Variants in IKBIP observed in about 807,000 individuals in gnomAD.
IKBIP encodes the protein IKBKB interacting protein, also known as inhibitor of nuclear factor kappa-B kinase-interacting protein.
In IKBIP, 28 loss-of-function variants were observed where a neutral mutation model predicts 31.0. The ratio of observed to expected loss-of-function variants is 0.90; its 90% CI spans 0.67 to 1.24. The LOEUF is 1.24. Ranked by LOEUF, IKBIP falls within the 50% of genes most tolerant of loss-of-function variation. The probability of loss-of-function intolerance (pLI) is 0.00; values close to 1 mark genes in which losing one functional copy is unlikely to be tolerated. For missense variants in IKBIP, 453 were observed against 441.9 expected, an observed-to-expected ratio of 1.03 and a Z score of -0.23; for synonymous variants, 164 against 160.3, an observed-to-expected ratio of 1.02 and a Z score of -0.17.
intron 1 of IKBIP, among the ~76,000 whole-genome samples, chr12:98,637,813 TGATTACAG>T (rs1166124457): frequency 4.6e-5 from 7 of 151,740 alleles, no homozygotes; most frequent in Non-Finnish European, 7.4e-5. Flanking sequence ...CAGGTTCAAG[TGATTACAG>T]GCGTGAGCCA....
rs765030349 is a variant in IKBIP, at chr12:98,626,078, T to C, written c.986A>G (p.Gln329Arg). 6.2e-7 allele frequency: 1 copy of C among 1,600,626 alleles called. No individual in the cohort carries two copies. Among genetic ancestry groups the C allele is most frequent in the Non-Finnish European group, 8.5e-7 (1 of 1,173,208 alleles). Residue 329 changes from glutamine to arginine, a missense_variant, in exon 3 of 3, where the codon CAG becomes CGG. Coordinates refer to ENST00000299157, the MANE Select transcript of IKBIP (RefSeq NM_153687.4). ...CATCTTTAATATGCTATTATCATAC[T>C]GAATTCCTTCAAGGGTTTTCTGCAT... ...MEMQKTLEGI[Q>R]YDNSILKMQN...
At chr12:98,621,154 CAGG>C (rs1365551601), downstream of IKBIP, among the ~76,000 whole-genome samples, 16 of 152,018 alleles carry the variant, frequency 1.1e-4, no homozygotes, top group Non-Finnish European at 4.4e-5. Context: ...GAGGCTGAGG[CAGG>C]AGAATTGCTT....
In IKBIP at chr12:98,626,700, G is replaced by A. The variant is rs1471877125; in HGVS notation, c.364C>T (p.Gln122Ter). 1 of 1,613,696 alleles carries A rather than the reference G, an allele frequency of 6.2e-7. No individual in the cohort carries two copies. The highest frequency in any genetic ancestry group is 8.5e-7 in the Non-Finnish European group (1 of 1,179,918). Residue 122 changes from glutamine (Q) to a stop codon, truncating the protein, a stop_gained, in exon 3 of 3, where the codon CAG (glutamine) becomes TAG (stop). Coordinates refer to ENST00000299157, the MANE Select transcript of IKBIP (RefSeq NM_153687.4). LOFTEE classifies it high-confidence loss of function. The stretch of plus-strand genomic sequence containing the variant: ...ATATCTTGGAGGTTGGATACTTCCT[G>A]CTCAAACTGGGTCATCAAAGACATG... ...SSMSLMTQFEQEVSNLQDIMH... is the reference protein window; with the variant it reads ...SSMSLMTQFE
At chr12:98,628,060 T>TA (rs35229656) in intron 2 of IKBIP, among the ~76,000 whole-genome samples, 4,351 of 152,356 alleles carry the variant, frequency 0.029, 200 homozygotes, top group African/African-American at 0.1. Flanking sequence ...TACACTTAGA[T>TA]AACAGCTTTA....
Position 98,624,883 on chromosome 12 carries a change from C to T in IKBIP, c.*1047G>A. 1 of 400,818 alleles carries T rather than the reference C, an allele frequency of 2.5e-6. No homozygotes were observed. The highest frequency in any genetic ancestry group is 3.4e-6 in the Non-Finnish European group (1 of 295,892). The allele number at this position is 400,818 out of a possible 1,614,324, so 24.8% of individuals were successfully genotyped here. Reference sequence around the variant, plus strand: ...GCAGTGGCGCGATCTCGGCTCACTGCAAGCTCTGCCTCCCGGGTTCACACC... The same window carrying T: ...GCAGTGGCGCGATCTCGGCTCACTGTAAGCTCTGCCTCCCGGGTTCACACC... On this transcript the variant is annotated 3_prime_UTR_variant, in exon 3 of 3. Coordinates refer to ENST00000299157, the MANE Select transcript of IKBIP (RefSeq NM_153687.4).
At chr12:98,637,211 T>A (rs1472393768) in intron 1 of IKBIP, among the ~76,000 whole-genome samples, 1 of 152,028 alleles carries the variant, frequency 6.6e-6, no homozygotes, top group Non-Finnish European at 1.5e-5. Context: ...TAAAAAAAAA[T>A]TCATCCTTGC....
intron 1 of IKBIP, among the ~76,000 whole-genome samples, chr12:98,640,745 G>A (rs552482617): frequency 2.0e-5 from 3 of 151,856 alleles, no homozygotes; most frequent in South Asian, 2.1e-4. Flanking sequence ...AGTGTTTATT[G>A]TCAAGATGAC....
chr12:98,644,399 CAG>C lies in IKBIP; in HGVS notation c.179+122_179+123del, dbSNP rs993389724. 9 of 908,494 alleles carry C rather than the reference CAG, an allele frequency of 9.9e-6. No homozygotes were observed. The Admixed American group carries it at 2.1e-4, about 21-fold the overall frequency. The allele number at this position is 908,494 out of a possible 1,614,324, so 56.3% of individuals were successfully genotyped here. ...CTGTTTCCTTCCTTTGGGGTCAAGA[CAG>C]AGGCACAGAAGGCCCAGGTCTGGGA... On this transcript the variant is annotated intron_variant, in intron 1 of 2. Transcript: ENST00000299157.
chr12:98,635,066 C>T (rs1319604988), intron 1 of IKBIP, among the ~76,000 whole-genome samples: 1 of 150,310 alleles, frequency 6.7e-6, no homozygotes, highest in East Asian at 2.0e-4. Context: ...AGTGCAATGG[C>T]ACGATCTCGG....
chr12:98,626,507 A>C lies in IKBIP; in HGVS notation c.557T>G (p.Val186Gly), dbSNP rs150076610. Reference sequence around the variant, plus strand: ...TTCCTGCTCAGCTGAGTTAATTTGGACAGTTACTTGAGAATGTATATGTTT... The same window carrying C: ...TTCCTGCTCAGCTGAGTTAATTTGGCCAGTTACTTGAGAATGTATATGTTT... Reference protein sequence around the residue: ...EAKHIHSQVTVQINSAEQEIK... With the variant: ...EAKHIHSQVTGQINSAEQEIK... The change falls in exon 3 of 3, where the codon GTC becomes GGC. Residue 186 changes from valine to glycine, a missense_variant. Physicochemically the swap from Val to Gly is moderately radical, Grantham distance 109. Transcript: ENST00000299157. The C allele has an allele frequency of 6.1e-4, 982 of 1,613,572 alleles. No individual in the cohort carries two copies. Among genetic ancestry groups the C allele is most frequent in the Non-Finnish European group, 7.9e-4 (932 of 1,180,010 alleles).
intron 2 of IKBIP, among the ~76,000 whole-genome samples, chr12:98,633,679 C>A (rs963454457): frequency 6.6e-6 from 1 of 151,774 alleles, no homozygotes; most frequent in Admixed American, 6.6e-5. Context: ...CCACGCCCAG[C>A]TAATTTTTGT....
intron 1 of IKBIP, among the ~76,000 whole-genome samples, chr12:98,644,162 G>A (rs1158030459): frequency 6.6e-6 from 1 of 152,120 alleles, no homozygotes; most frequent in African/African-American, 2.4e-5. Context: ...TCCCGGAATG[G>A]GGCACAGCGG....
intron 1 of IKBIP, among the ~76,000 whole-genome samples, chr12:98,641,280 C>T (rs2097630228): frequency 6.6e-6 from 1 of 152,102 alleles, no homozygotes; most frequent in East Asian, 1.9e-4. Context: ...AGTACACAGA[C>T]AGGCACACAT....
chr12:98,641,611 A>T lies in IKBIP; in HGVS notation c.179+2912T>A, dbSNP rs142131615. Reference sequence around the variant, plus strand: ...ATTTCACAAGAGCAACTAAGAGGCAACTATTTAAATAATAATTATAGAATC... The same window carrying T: ...ATTTCACAAGAGCAACTAAGAGGCATCTATTTAAATAATAATTATAGAATC... On this transcript the variant is annotated intron_variant, in intron 1 of 2. Coordinates refer to ENST00000299157, the MANE Select transcript of IKBIP (RefSeq NM_153687.4). Among the ~76,000 whole-genome samples, 476 of 152,336 alleles carry T rather than the reference A, an allele frequency of 3.1e-3. 4 individuals carry two copies. The highest frequency in any genetic ancestry group is 0.011 in the African/African-American group (457 of 41,576).
At chr12:98,618,391 C>T (rs1180825332) in intron 2 of IKBIP, among the ~76,000 whole-genome samples, 1 of 150,298 alleles carries the variant, frequency 6.7e-6, no homozygotes, top group Non-Finnish European at 1.5e-5. Context: ...CTTTGGGAGG[C>T]CGAGGTGGGC....
Position 98,626,459 on chromosome 12 carries a change from A to C in IKBIP, c.605T>G (p.Leu202Arg). 2 of 1,613,298 alleles carry C rather than the reference A, an allele frequency of 1.2e-6. No individual in the cohort carries two copies. Among genetic ancestry groups the C allele is most frequent in the Non-Finnish European group, 1.7e-6 (2 of 1,180,022 alleles). ...TAGTGTGCTATCTTCCAAATCTTTT[A>C]GCCGTTCAGTGAGCAATTTTATTTC... ...EQEIKLLTER[L>R]KDLEDSTLRN... The change falls in exon 3 of 3, where the codon CTA (leucine) becomes CGA (arginine). Residue 202 changes from leucine (L) to arginine (R), a missense_variant. Transcript: ENST00000299157.
At chr12:98,636,022 T>C (rs1268814402) in intron 1 of IKBIP, among the ~76,000 whole-genome samples, 1 of 152,258 alleles carries the variant, frequency 6.6e-6, no homozygotes, top group African/African-American at 2.4e-5. Context: ...GGATTTGAAA[T>C]GAGCAAGCAT....
In IKBIP at chr12:98,615,039, C is replaced by A. The variant is rs1012737057; in HGVS notation, c.298-699G>T. Among the ~76,000 whole-genome samples, 3 of 151,994 alleles carry A rather than the reference C, an allele frequency of 2.0e-5. No homozygotes were observed. The East Asian group carries it at 5.8e-4, about 29-fold the overall frequency. Reference sequence around the variant, plus strand: ...TAGGTGAGACAAGGCAACATAAGTTCTTTTTTATTTCAGCTTTATTAAGGT... The same window carrying A: ...TAGGTGAGACAAGGCAACATAAGTTATTTTTTATTTCAGCTTTATTAAGGT... On this transcript the variant is annotated intron_variant, in intron 2 of 2. Transcript: ENST00000342502.
At chr12:98,643,833 T>TCCTTTTCTTTTTTTTTTTTTTTTTA (rs1593004053) in intron 1 of IKBIP, among the ~76,000 whole-genome samples, 2 of 135,384 alleles carry the variant, frequency 1.5e-5, no homozygotes, top group Admixed American at 7.1e-5. Context: ...TTTTTTTTTT[T>TCCTTTTCTTTTTTTTTTTTTTTTTA]GAGACGGAGT....
Sources: allele counts gnomAD v4.1 joint callset (sites outside exome capture counted in the v4.1 genomes callset), GRCh38; gene constraint gnomAD v4.1.1; transcripts MANE v1.5; gene names NCBI Gene and HGNC (gene_info 2026-07-23, HGNC 2026-07-21).